The following FIRRM variants were observed in gnomAD, a reference collection of about 807,000 sequenced individuals.
FIRRM encodes the protein FIGNL1 interacting regulator of recombination and mitosis, also known as FIGNL1-interacting regulator of recombination and mitosis.
chr1:169,806,046 T>C, the FIRRM span: 1 of 1,603,554 alleles, frequency 6.2e-7, no homozygotes, highest in African/African-American at 1.3e-5. Flanking sequence ...ATTTCCAGTA[T>C]GGACCATGCA....
At chr1:169,827,945 T>C in the FIRRM span, 6 of 1,218,152 alleles carry the variant, frequency 4.9e-6, no homozygotes, top group Non-Finnish European at 6.9e-6. Flanking sequence ...TTAAATCAGA[T>C]ATTTATGTTA....
At chr1:169,824,928 C>G in the FIRRM span, among the ~76,000 whole-genome samples, 1 of 152,096 alleles carries the variant, frequency 6.6e-6, no homozygotes, top group Non-Finnish European at 1.5e-5. Flanking sequence ...CTAAATTGTC[C>G]CAAACTGAAC....
At chr1:169,839,528 G>C in the FIRRM span, among the ~76,000 whole-genome samples, 96,634 of 152,024 alleles carry the variant, frequency 0.64, 31,099 homozygotes, top group Middle Eastern at 0.77. Flanking sequence ...TATGATGGTT[G>C]GCCTCTTGTG....
At chr1:169,798,892 T>C in the FIRRM span, 675,447 of 1,220,362 alleles carry the variant, frequency 0.55, 193,958 homozygotes, top group Middle Eastern at 0.73. Flanking sequence ...ATTACTATGA[T>C]ACTAGTATCT....
chr1:169,835,472 C>A, the FIRRM span, among the ~76,000 whole-genome samples: 1 of 152,068 alleles, frequency 6.6e-6, no homozygotes, highest in Non-Finnish European at 1.5e-5. Context: ...ATTGTACTAC[C>A]TTTTTAATGT....
At chr1:169,834,134 A>G in the FIRRM span, among the ~76,000 whole-genome samples, 1 of 152,152 alleles carries the variant, frequency 6.6e-6, no homozygotes, top group Non-Finnish European at 1.5e-5. Context: ...GTTCTAAATT[A>G]GATAAATTAT....
the FIRRM span, among the ~76,000 whole-genome samples, chr1:169,791,317 G>C: frequency 6.6e-6 from 1 of 152,200 alleles, no homozygotes; most frequent in African/African-American, 2.4e-5. Context: ...AGTTGTGAAT[G>C]AGTATCACAT....
chr1:169,842,340 CCT>C, the FIRRM span: 2 of 1,467,596 alleles, frequency 1.4e-6, no homozygotes, highest in African/African-American at 1.4e-5. Flanking sequence ...ACTTTTATAA[CCT>C]CTAGTTAAGT....
chr1:169,806,297 T>C, the FIRRM span, among the ~76,000 whole-genome samples: 1 of 152,198 alleles, frequency 6.6e-6, no homozygotes, highest in Non-Finnish European at 1.5e-5. Context: ...TTAAAAAAAA[T>C]GTTCTTCCTA....
At chr1:169,804,305 C>G in the FIRRM span, 3 of 1,111,930 alleles carry the variant, frequency 2.7e-6, no homozygotes, top group Non-Finnish European at 3.6e-6. Context: ...TTAAAATTGT[C>G]TCTAATGATT....
At chr1:169,828,264 C>G in the FIRRM span, among the ~76,000 whole-genome samples, 6 of 152,256 alleles carry the variant, frequency 3.9e-5, no homozygotes, top group Admixed American at 2.6e-4. Context: ...ACTCTGTGCT[C>G]TAATTTTTCA....
At chr1:169,833,871 T>G in the FIRRM span, among the ~76,000 whole-genome samples, 12 of 100,430 alleles carry the variant, frequency 1.2e-4, no homozygotes, top group African/African-American at 4.5e-4. Context: ...TTTTTTTTTT[T>G]AAATAGAGAC....
At chr1:169,797,487 G>A in the FIRRM span, among the ~76,000 whole-genome samples, 1,047 of 152,244 alleles carry the variant, frequency 6.9e-3, 11 homozygotes, top group Non-Finnish European at 0.011. Context: ...GATTGCTGCT[G>A]TAAAAAATAA....
the FIRRM span, chr1:169,850,998 T>TTG: frequency 1.8e-5 from 1 of 54,308 alleles, no homozygotes; most frequent in Middle Eastern, 9.6e-3. Context: ...TTTTTTTTTT[T>TTG]TTTTTTTTAT....
At chr1:169,796,423 A>G in the FIRRM span, among the ~76,000 whole-genome samples, 1 of 152,254 alleles carries the variant, frequency 6.6e-6, no homozygotes, top group Admixed American at 6.5e-5. Flanking sequence ...TTCAAACGAC[A>G]TATTCAAAAA....
chr1:169,827,138 A>G, the FIRRM span: 2 of 1,613,836 alleles, frequency 1.2e-6, no homozygotes, highest in Non-Finnish European at 1.7e-6. Flanking sequence ...CACTGGATCC[A>G]CTTATCAGTC....
At chr1:169,849,020 G>C in the FIRRM span, among the ~76,000 whole-genome samples, 1 of 152,188 alleles carries the variant, frequency 6.6e-6, no homozygotes, top group Non-Finnish European at 1.5e-5. Context: ...CTGTTAGCCT[G>C]TTTAGAGGCA....
At chr1:169,848,970 C>T in the FIRRM span, among the ~76,000 whole-genome samples, 1 of 152,154 alleles carries the variant, frequency 6.6e-6, no homozygotes, top group Non-Finnish European at 1.5e-5. Flanking sequence ...CTGTTTTAAT[C>T]ATTGGCAATG....
the FIRRM span, among the ~76,000 whole-genome samples, chr1:169,844,147 A>G: frequency 1.3e-5 from 2 of 152,250 alleles, no homozygotes; most frequent in South Asian, 4.1e-4. Flanking sequence ...AGTGTGTATT[A>G]AAAGATAGCA....
Sources: allele counts gnomAD v4.1 joint callset (sites outside exome capture counted in the v4.1 genomes callset), GRCh38; gene constraint gnomAD v4.1.1; transcripts MANE v1.5; gene names NCBI Gene and HGNC (gene_info 2026-07-23, HGNC 2026-07-21).